Variants in SBNO1 observed in about 807,000 individuals in gnomAD.
SBNO1 encodes the protein protein strawberry notch homolog 1.
Under a neutral mutation model 173.6 loss-of-function variants are expected in SBNO1, and 23 were observed. The ratio of observed to expected loss-of-function variants is 0.13; its 90% CI spans 0.10 to 0.19. The LOEUF is 0.19. SBNO1 is among the 10% of genes least tolerant of loss of function. The pLI, the probability that SBNO1 is intolerant of heterozygous loss-of-function variation, is 1.00. For synonymous variants in SBNO1, 632 were observed against 571.5 expected, an observed-to-expected ratio of 1.11 and a Z score of -1.51; for missense variants, 1,238 against 1,671.2, an observed-to-expected ratio of 0.74 and a Z score of 4.52.
In SBNO1 at chr12:123,320,077, G is replaced by A. The variant is rs766514285; in HGVS notation, c.2668-46C>T. The A allele has an allele frequency of 1.4e-5, 22 of 1,607,502 alleles. No individual in the cohort carries two copies. In the South Asian group the frequency reaches 2.3e-4, roughly 17 times the overall value. On this transcript the variant is annotated intron_variant, in intron 19 of 31. Transcript: ENST00000602398. ...ATTACAATGAAGGTATCTGACTGCG[G>A]TGGATGGACTCAGTGCCTCTTTCCT...
At chr12:123,324,423 G>T (rs995204789) in intron 15 of SBNO1, among the ~76,000 whole-genome samples, 1 of 151,250 alleles carries the variant, frequency 6.6e-6, no homozygotes, top group African/African-American at 2.4e-5. Context: ...CTGGGTTCAA[G>T]CAATTCTCCT....
chr12:123,360,210 C>T (rs1292772027), intron 1 of SBNO1, among the ~76,000 whole-genome samples: 2 of 150,288 alleles, frequency 1.3e-5, no homozygotes, highest in African/African-American at 4.9e-5. Context: ...TGCACCATTG[C>T]ACTCCAGCCT....
rs1312177616 is a variant in SBNO1 at position 123,363,899 on chromosome 12, C to A, written c.-1+802G>T. On this transcript the variant is annotated intron_variant, in intron 1 of 31. Transcript: ENST00000602398. Reference sequence around the variant, plus strand: ...AGAAACAATCAGAAGGGTTTAGGAACATCCAAATCTCCTCAGCGGTTAAAC... The same window carrying A: ...AGAAACAATCAGAAGGGTTTAGGAAAATCCAAATCTCCTCAGCGGTTAAAC... 5 of 985,390 alleles carry A rather than the reference C, an allele frequency of 5.1e-6. No individual in the cohort carries two copies. In the African/African-American group the frequency reaches 5.2e-5, roughly 10 times the overall value. The allele number at this position is 985,390 out of a possible 1,614,324, so 61.0% of individuals were successfully genotyped here. A position where few individuals can be genotyped will look rare whatever the true frequency, so the allele number is the denominator to read the frequency against.
chr12:123,361,529 CAA>C (rs1875169890), intron 1 of SBNO1, among the ~76,000 whole-genome samples: 1 of 149,486 alleles, frequency 6.7e-6, no homozygotes, highest in Non-Finnish European at 1.5e-5. Context: ...GCCTGGGCAA[CAA>C]GAGCAAAACT....
At position 123,320,616 on chromosome 12, in the gene SBNO1, A is replaced by G. The variant is rs1215231144; in HGVS notation, c.2492-9T>C. 8 of 1,604,094 alleles carry G rather than the reference A, an allele frequency of 5.0e-6. No homozygotes were observed. Among genetic ancestry groups the G allele is most frequent in the Non-Finnish European group, 6.8e-6 (8 of 1,176,864 alleles). On this transcript the variant is annotated splice_polypyrimidine_tract_variant and intron_variant, in intron 18 of 31. Coordinates refer to ENST00000602398, the MANE Select transcript of SBNO1 (RefSeq NM_001167856.3). ...GTTGGTGTTACTGTTAGCTAGATAAAGAACATTTGCTAAAAGTTAGTACAA... is the reference window on the plus strand; with the variant it reads ...GTTGGTGTTACTGTTAGCTAGATAAGGAACATTTGCTAAAAGTTAGTACAA...
chr12:123,317,002 G>A (rs549407052), intron 21 of SBNO1, among the ~76,000 whole-genome samples: 2 of 152,068 alleles, frequency 1.3e-5, no homozygotes, highest in South Asian at 4.1e-4. Context: ...GCTCTCAGCT[G>A]TTTTTCTTTT....
In SBNO1 at chr12:123,290,952, T is replaced by TA. The variant is rs1408533085; in HGVS notation, c.*4955dup. 6.6e-6 allele frequency: 1 copy of TA among 151,918 alleles called. No individual in the cohort carries two copies. Among genetic ancestry groups the TA allele is most frequent in the Non-Finnish European group, 1.5e-5 (1 of 68,038 alleles). The allele number at this position is 151,918 out of a possible 1,614,324, so 9.4% of individuals were successfully genotyped here. On this transcript the variant is annotated 3_prime_UTR_variant, in exon 32 of 32. Coordinates refer to ENST00000602398, the MANE Select transcript of SBNO1 (RefSeq NM_001167856.3). ...TAGTAGAGACGGGGTTTCACCGTGT[T>TA]AGCCAGGAGATGGTCTCAATCTCCT...
At chr12:123,322,372 G>A (rs963423503) in intron 16 of SBNO1, among the ~76,000 whole-genome samples, 2 of 152,048 alleles carry the variant, frequency 1.3e-5, no homozygotes, top group African/African-American at 4.8e-5. Flanking sequence ...TTGGCTCACT[G>A]CAACCTCTGC....
At chr12:123,329,406 A>T (rs1870935916) in intron 9 of SBNO1, among the ~76,000 whole-genome samples, 1 of 150,896 alleles carries the variant, frequency 6.6e-6, no homozygotes, top group Admixed American at 6.6e-5. Context: ...CAGTTTTCAA[A>T]GTCTTAAAAA....
chr12:123,323,385 C>T (rs1745078210), intron 16 of SBNO1, among the ~76,000 whole-genome samples: 2 of 152,092 alleles, frequency 1.3e-5, no homozygotes, highest in Admixed American at 1.3e-4. Flanking sequence ...GACAGAGTCT[C>T]GCTCTGTCAT....
chr12:123,347,782 A>G (rs1431496611), intron 3 of SBNO1, among the ~76,000 whole-genome samples: 1 of 150,092 alleles, frequency 6.7e-6, no homozygotes, highest in Admixed American at 6.6e-5. Context: ...TGATCCACCC[A>G]CCTTGGCCTC....
intron 19 of SBNO1, among the ~76,000 whole-genome samples, 175 bp downstream of exon 19, chr12:123,320,257 C>A (rs1031835037): frequency 1.3e-5 from 2 of 152,158 alleles, no homozygotes; most frequent in Admixed American, 6.5e-5. Context: ...TGGCTTGGGA[C>A]AGACACTCAG....
chr12:123,329,082 C>A (rs1489695374), intron 9 of SBNO1, among the ~76,000 whole-genome samples, 187 bp from the exon 10 acceptor site: 1 of 152,082 alleles, frequency 6.6e-6, no homozygotes, highest in Non-Finnish European at 1.5e-5. Flanking sequence ...CTTTATAGTA[C>A]AAAAATCCAG....
At chr12:123,327,292 C>A (rs1870722264) in intron 13 of SBNO1, 134 bp downstream of exon 13, 1 of 746,166 alleles carries the variant, frequency 1.3e-6, no homozygotes, top group African/African-American at 1.8e-5. Flanking sequence ...GCATGAGACA[C>A]CGTGCCTGGC....
intron 4 of SBNO1, among the ~76,000 whole-genome samples, chr12:123,342,718 T>C (rs896823515): frequency 5.9e-5 from 9 of 152,170 alleles, no homozygotes; most frequent in Middle Eastern, 6.8e-3. Flanking sequence ...GCTACTTGAC[T>C]GAATAGGGGT....
intron 4 of SBNO1, among the ~76,000 whole-genome samples, chr12:123,343,543 T>A (rs1872782871): frequency 6.6e-6 from 1 of 150,802 alleles, no homozygotes; most frequent in Non-Finnish European, 1.5e-5. Context: ...CCATCTTTTT[T>A]TTTTTTTTTT....
intron 28 of SBNO1, among the ~76,000 whole-genome samples, chr12:123,307,573 G>A (rs1410999244): frequency 6.6e-6 from 1 of 152,122 alleles, no homozygotes; most frequent in African/African-American, 2.4e-5. Context: ...ATAAATATTT[G>A]TAAACAGAAA....
Position 123,334,152 on chromosome 12 carries a change from A to C in SBNO1, c.810T>G (p.Thr270=), listed in dbSNP as rs756236644. 6.2e-7 allele frequency: 1 copy of C among 1,604,388 alleles called. No individual in the cohort carries two copies. Among genetic ancestry groups the C allele is most frequent in the South Asian group, 1.1e-5 (1 of 87,422 alleles). The change falls in exon 7 of 32, where the codon ACT becomes ACG. Residue 270 remains threonine (T), a synonymous_variant. Transcript: ENST00000602398. ...VVETSSLSSV[T]PPDVWYKTSI... ...ATGTTTTGTACCAAACATCAGGAGG[A>C]GTAACACTGGATAAAGAGCTGGTTT...
chr12:123,311,559 T>C (rs1868504584), intron 24 of SBNO1, among the ~76,000 whole-genome samples: 1 of 152,024 alleles, frequency 6.6e-6, no homozygotes, highest in Non-Finnish European at 1.5e-5. Flanking sequence ...TTCGCCATGT[T>C]GGCCAGGCTG....
Sources: allele counts gnomAD v4.1 joint callset (sites outside exome capture counted in the v4.1 genomes callset), GRCh38; gene constraint gnomAD v4.1.1; transcripts MANE v1.5; gene names NCBI Gene and HGNC (gene_info 2026-07-23, HGNC 2026-07-21).